The following FBXW2 variants were observed in gnomAD, a reference collection of about 807,000 sequenced individuals.
FBXW2 encodes F-box/WD repeat-containing protein 2.
In FBXW2, 12 loss-of-function variants were observed where a neutral mutation model predicts 46.0. The ratio of observed to expected loss-of-function variants is 0.26; its 90% CI spans 0.17 to 0.42. The LOEUF (loss-of-function observed/expected upper bound fraction) is 0.42. FBXW2 is among the 10% of genes least tolerant of loss of function. The probability of loss-of-function intolerance (pLI) is 1.00; values close to 1 mark genes in which losing one functional copy is unlikely to be tolerated. For missense variants in FBXW2, 360 were observed against 537.0 expected (o/e 0.67, Z 3.26); for synonymous variants, 203 against 209.6 (o/e 0.97, Z 0.27).
chr9:120,778,619 G>A, intron 3 of FBXW2, 74 bp from the exon 4 acceptor site: 8 of 1,317,288 alleles, frequency 6.1e-6, no homozygotes, highest in Non-Finnish European at 7.4e-6. Flanking sequence ...CAAAATCATG[G>A]TGTTCTTCAA....
intron 3 of FBXW2, among the ~76,000 whole-genome samples, chr9:120,780,738 G>C (rs1368554193): frequency 6.6e-6 from 1 of 152,204 alleles, no homozygotes; most frequent in African/African-American, 2.4e-5. Context: ...TATATTTATA[G>C]AACTTCTGTG....
chr9:120,767,561 A>G (rs764383532), intron 7 of FBXW2, among the ~76,000 whole-genome samples: 61 of 152,160 alleles, frequency 4.0e-4, no homozygotes, highest in Non-Finnish European at 6.2e-4. Flanking sequence ...CTCATCCATC[A>G]TTTTCTACTT....
chr9:120,793,161 C>G lies in FBXW2; in HGVS notation c.-33G>C, dbSNP rs1410859695. On this transcript the variant is annotated 5_prime_UTR_variant, in exon 2 of 8. Coordinates refer to ENST00000608872, the MANE Select transcript of FBXW2 (RefSeq NM_012164.4). ...GCGCGGCACTGACCTGAGCGAGCGC[C>G]CCGGGGCCCGGGACCTCGCGCCGGG... is the stretch of plus-strand genomic sequence containing the variant. 2 of 582,548 alleles carry G rather than the reference C, an allele frequency of 3.4e-6. No individual in the cohort carries two copies. Among genetic ancestry groups the G allele is most frequent in the Non-Finnish European group, 6.0e-6 (2 of 331,864 alleles). The allele number at this position is 582,548 out of a possible 1,614,324, so 36.1% of individuals were successfully genotyped here.
At chr9:120,774,833 A>G (rs892452340) in intron 5 of FBXW2, among the ~76,000 whole-genome samples, 1 of 152,076 alleles carries the variant, frequency 6.6e-6, no homozygotes, top group Non-Finnish European at 1.5e-5. Flanking sequence ...GGCCTTATAA[A>G]TCATACAGGA....
At chr9:120,772,871 C>T in intron 5 of FBXW2, 31 bp from the exon 6 acceptor site, 1 of 1,373,640 alleles carries the variant, frequency 7.3e-7, no homozygotes, top group Non-Finnish European at 1.0e-6. Flanking sequence ...ACGGAAAGAT[C>T]CTTTTAATGC....
chr9:120,779,286 A>T (rs946406072), intron 3 of FBXW2, among the ~76,000 whole-genome samples: 5 of 152,230 alleles, frequency 3.3e-5, no homozygotes, highest in African/African-American at 7.2e-5. Flanking sequence ...TGATTAATTC[A>T]TTCTTACAAT....
chr9:120,770,516 C>T (rs1008085986), intron 7 of FBXW2, among the ~76,000 whole-genome samples: 4 of 152,096 alleles, frequency 2.6e-5, no homozygotes, highest in African/African-American at 9.7e-5. Context: ...GTAGGTTCAA[C>T]AAATTCAAAC....
chr9:120,784,189 A>T (rs1182195187), intron 3 of FBXW2, among the ~76,000 whole-genome samples: 1 of 152,228 alleles, frequency 6.6e-6, no homozygotes, highest in Non-Finnish European at 1.5e-5. Flanking sequence ...AAAATGTAGA[A>T]TTGTAGATAT....
In FBXW2 at chr9:120,758,067, AC is replaced by A. The variant is rs1333232227; in HGVS notation, c.*6491del. The A allele has an allele frequency of 1.3e-5, 2 of 152,196 alleles. No homozygotes were observed. The highest frequency in any genetic ancestry group is 4.8e-5 in the African/African-American group (2 of 41,452). The allele number at this position is 152,196 out of a possible 1,614,324, so 9.4% of individuals were successfully genotyped here. A position where few individuals can be genotyped will look rare whatever the true frequency, so the allele number is the denominator to read the frequency against. ...ATGTTGCTGGGGAAACCAGGTATTC[AC>A]TTGTATTTTGGAAAAAACTGAGAAT... On this transcript the variant is annotated 3_prime_UTR_variant, in exon 8 of 8. Transcript: ENST00000608872.
chr9:120,782,023 C>CA (rs35159726), intron 3 of FBXW2, among the ~76,000 whole-genome samples: 17,030 of 76,070 alleles, frequency 0.22, 1,191 homozygotes, highest in Middle Eastern at 0.36. Flanking sequence ...AACTCCGTCT[C>CA]AAAAAAAAAA....
chr9:120,766,515 A>G (rs2044278078), intron 7 of FBXW2, among the ~76,000 whole-genome samples: 1 of 152,154 alleles, frequency 6.6e-6, no homozygotes, highest in African/African-American at 2.4e-5. Flanking sequence ...ACCAGGCTGG[A>G]GTGCAGTGGC....
intron 3 of FBXW2, among the ~76,000 whole-genome samples, chr9:120,783,033 T>C (rs1017149263): frequency 2.6e-5 from 4 of 152,208 alleles, no homozygotes; most frequent in Non-Finnish European, 4.4e-5. Flanking sequence ...ATGTACTTAA[T>C]GGCACTCAAC....
At chr9:120,778,725 G>A (rs2044550947) in intron 3 of FBXW2, among the ~76,000 whole-genome samples, 180 bp from the exon 4 acceptor site, 1 of 152,140 alleles carries the variant, frequency 6.6e-6, no homozygotes, top group Non-Finnish European at 1.5e-5. Context: ...TCACCAAAAC[G>A]GAGTCAAAAG....
intron 3 of FBXW2, among the ~76,000 whole-genome samples, chr9:120,780,764 G>A (rs2044594512): frequency 6.6e-6 from 1 of 152,108 alleles, no homozygotes; most frequent in South Asian, 2.1e-4. Context: ...CAGGATTCTT[G>A]TTCTCATGGC....
At chr9:120,767,276 G>A (rs2044293175) in intron 7 of FBXW2, among the ~76,000 whole-genome samples, 1 of 152,154 alleles carries the variant, frequency 6.6e-6, no homozygotes, top group African/African-American at 2.4e-5. Context: ...ATAGTTAACA[G>A]GTGCTGGCCC....
At position 120,762,802 on chromosome 9, in the gene FBXW2, C is replaced by A. The variant is rs578026844; in HGVS notation, c.*1757G>T. On this transcript the variant is annotated 3_prime_UTR_variant, in exon 8 of 8. Coordinates refer to ENST00000608872, the MANE Select transcript of FBXW2 (RefSeq NM_012164.4). Reference sequence around the variant, plus strand: ...TCATGTTCCCAGACATAAGCTGTCACTGAGGTTCCAATTCTTATGTTCATC... The same window carrying A: ...TCATGTTCCCAGACATAAGCTGTCAATGAGGTTCCAATTCTTATGTTCATC... 5.3e-5 allele frequency: 8 copies of A among 152,364 alleles called. No individual in the cohort carries two copies. Among genetic ancestry groups the A allele is most frequent in the African/African-American group, 1.9e-4 (8 of 41,574 alleles). The allele number at this position is 152,364 out of a possible 1,614,324, so 9.4% of individuals were successfully genotyped here.
At chr9:120,779,321 TA>T (rs1370880075) in intron 3 of FBXW2, among the ~76,000 whole-genome samples, 44 of 152,268 alleles carry the variant, frequency 2.9e-4, no homozygotes, top group African/African-American at 1.1e-3. Flanking sequence ...CCTCAACAAA[TA>T]AAAAGACATT....
At chr9:120,783,747 T>A (rs1050599273) in intron 3 of FBXW2, among the ~76,000 whole-genome samples, 5 of 152,196 alleles carry the variant, frequency 3.3e-5, no homozygotes, top group Non-Finnish European at 5.9e-5. Flanking sequence ...ACAGTAGGCA[T>A]CCCATAAGTA....
Position 120,762,479 on chromosome 9 carries a change from C to A in FBXW2, c.*2080G>T, listed in dbSNP as rs1257604661. On this transcript the variant is annotated 3_prime_UTR_variant, in exon 8 of 8. Transcript: ENST00000608872. ...TACTAAGCAGAGCTGATGCACAGAA[C>A]TCAATGTGAGATAGATTAAACCCAG... 1 of 152,192 alleles carries A rather than the reference C, an allele frequency of 6.6e-6. No individual in the cohort carries two copies. The highest frequency in any genetic ancestry group is 1.9e-4 in the East Asian group (1 of 5,202). 9.4% of individuals were successfully genotyped at this position (152,192 alleles called of 1,614,324 possible).
Sources: allele counts gnomAD v4.1 joint callset (sites outside exome capture counted in the v4.1 genomes callset), GRCh38; gene constraint gnomAD v4.1.1; transcripts MANE v1.5; gene names NCBI Gene and HGNC (gene_info 2026-07-23, HGNC 2026-07-21).